BBS4: variants seen among roughly 807,000 people sequenced by gnomAD.
BBS4 encodes the protein BBSome complex member BBS4.
In BBS4, 58 loss-of-function variants were observed where a neutral mutation model predicts 71.4. The ratio of observed to expected loss-of-function variants is 0.81; its 90% CI spans 0.66 to 1.01. The LOEUF is 1.01. BBS4 is among the 50% of genes least tolerant of loss of function. BBS4 has a pLI of 0.00. For missense variants in BBS4, 660 were observed against 607.9 expected (o/e 1.09, Z -0.90); for synonymous variants, 228 against 216.8 (o/e 1.05, Z -0.46).
chr15:72,712,348 C>T (rs1487397599), intron 4 of BBS4, 41 bp downstream of exon 4: 1 of 1,573,560 alleles, frequency 6.4e-7, no homozygotes, highest in East Asian at 2.2e-5. Context: ...GAGAAATACA[C>T]TTTTCCTAGG....
chr15:72,725,059 G>T (rs1298946), intron 8 of BBS4, among the ~76,000 whole-genome samples: 2,514 of 98,658 alleles, frequency 0.025, 52 homozygotes, highest in African/African-American at 0.084. Context: ...TATATATATA[G>T]AGAGAGAGAG....
In BBS4 at chr15:72,735,919, A is replaced by G. The variant is rs374169521; in HGVS notation, c.1201A>G (p.Lys401Glu). The G allele has an allele frequency of 5.6e-6, 9 of 1,614,136 alleles. No individual in the cohort carries two copies. Among genetic ancestry groups the G allele is most frequent in the Non-Finnish European group, 7.6e-6 (9 of 1,180,006 alleles). ...ALAQYQEMEK[K>E]VSLLKDNSSL... ...GGCCCAATATCAGGAGATGGAGAAG[A>G]AAGTCAGCCTACTCAAGGACAATAG... is the stretch of plus-strand genomic sequence containing the variant. The change falls in exon 14 of 16, where the codon AAA (lysine) becomes GAA (glutamate). Residue 401 changes from lysine to glutamate, a missense_variant. By Grantham distance (56) the Lys-to-Glu change is moderately conservative (BLOSUM62 1). Transcript: ENST00000268057.
At chr15:72,735,022 G>A in intron 12 of BBS4, 91 bp from the exon 13 acceptor site, 2 of 903,186 alleles carry the variant, frequency 2.2e-6, no homozygotes, top group Non-Finnish European at 3.7e-6. Flanking sequence ...GCCATGAGCT[G>A]ACAGGGTGAA....
Position 72,715,336 on chromosome 15 carries a change from T to G in BBS4, c.266T>G (p.Leu89Arg). Reference sequence around the variant, plus strand: ...GGAAATATCCAAGAATCCCTAGAACTCTTCCAGACATGTGCAGTTCTTAGT... The same window carrying G: ...GGAAATATCCAAGAATCCCTAGAACGCTTCCAGACATGTGCAGTTCTTAGT... Reference protein sequence around the residue: ...LEGNIQESLELFQTCAVLSPQ... With the variant: ...LEGNIQESLERFQTCAVLSPQ... Residue 89 changes from leucine (L) to arginine (R), a missense_variant, in exon 5 of 16, where the codon CTC becomes CGC. Coordinates refer to ENST00000268057, the MANE Select transcript of BBS4 (RefSeq NM_033028.5). 6.2e-7 allele frequency: 1 copy of G among 1,614,102 alleles called. No individual in the cohort carries two copies. Among genetic ancestry groups the G allele is most frequent in the Non-Finnish European group, 8.5e-7 (1 of 1,179,946 alleles).
intron 6 of BBS4, 89 bp downstream of exon 6, chr15:72,716,939 A>G: frequency 2.1e-6 from 2 of 937,490 alleles, no homozygotes. Context: ...GAATTCTTAC[A>G]TTCCAAAAAT....
chr15:72,715,518 G>C, intron 5 of BBS4, 116 bp downstream of exon 5: 1 of 763,674 alleles, frequency 1.3e-6, no homozygotes, highest in Non-Finnish European at 2.4e-6. Context: ...GTGGGGGAAT[G>C]GTTTAATAGG....
At chr15:72,722,317 G>C (rs779676541) in intron 6 of BBS4, among the ~76,000 whole-genome samples, 1 of 152,202 alleles carries the variant, frequency 6.6e-6, no homozygotes, top group Non-Finnish European at 1.5e-5. Context: ...TTTAGTACTT[G>C]TAACTAACTA....
chr15:72,690,113 A>T (rs960220239), intron 1 of BBS4, among the ~76,000 whole-genome samples: 3 of 151,896 alleles, frequency 2.0e-5, no homozygotes, highest in African/African-American at 4.8e-5. Flanking sequence ...CAGCCTATAA[A>T]TTTTTTTTAT....
intron 2 of BBS4, among the ~76,000 whole-genome samples, chr15:72,698,978 TAC>T (rs1211265513): frequency 5.9e-5 from 9 of 152,348 alleles, no homozygotes; most frequent in Admixed American, 1.3e-4. Context: ...GATAAGTAGT[TAC>T]CAAATCTCAC....
chr15:72,689,728 A>AAAAC (rs2064947508), intron 1 of BBS4, among the ~76,000 whole-genome samples: 1 of 151,604 alleles, frequency 6.6e-6, no homozygotes, highest in Non-Finnish European at 1.5e-5. Flanking sequence ...GAAAAAAACA[A>AAAAC]AAAATGAATG....
intron 6 of BBS4, among the ~76,000 whole-genome samples, chr15:72,717,958 C>T (rs1387780150): frequency 6.6e-6 from 1 of 152,152 alleles, no homozygotes; most frequent in African/African-American, 2.4e-5. Flanking sequence ...AAGTGATTCT[C>T]CTGTCTCAGC....
chr15:72,727,823 G>A (rs2065731259), intron 8 of BBS4, 117 bp from the exon 9 acceptor site: 4 of 799,008 alleles, frequency 5.0e-6, no homozygotes, highest in South Asian at 2.8e-5. Context: ...GTATTTCCAC[G>A]GGGAGGAAGA....
intron 6 of BBS4, among the ~76,000 whole-genome samples, chr15:72,720,149 G>T (rs889732817): frequency 2.3e-4 from 35 of 150,066 alleles, no homozygotes; most frequent in African/African-American, 7.6e-4. Context: ...TTTATTAATA[G>T]CCCTTACCTA....
chr15:72,720,749 A>G (rs757090865), intron 6 of BBS4, among the ~76,000 whole-genome samples: 1 of 152,128 alleles, frequency 6.6e-6, no homozygotes, highest in Admixed American at 6.6e-5. Flanking sequence ...ATGATCTAAG[A>G]TTCCTCGTCT....
At chr15:72,706,776 A>T (rs1050692140) in intron 2 of BBS4, among the ~76,000 whole-genome samples, 2 of 152,184 alleles carry the variant, frequency 1.3e-5, no homozygotes, top group Non-Finnish European at 2.9e-5. Context: ...ATTTCTTCTT[A>T]CAAATTCCAT....
At chr15:72,704,780 T>C (rs573266552) in intron 2 of BBS4, among the ~76,000 whole-genome samples, 2 of 152,226 alleles carry the variant, frequency 1.3e-5, no homozygotes, top group East Asian at 3.9e-4. Flanking sequence ...CTCAGTAGGC[T>C]GAGTCATAAG....
chr15:72,687,046 C>A (rs2064861068), intron 1 of BBS4, among the ~76,000 whole-genome samples: 1 of 151,110 alleles, frequency 6.6e-6, no homozygotes, highest in African/African-American at 2.4e-5. Flanking sequence ...TGTTAGAGGG[C>A]CTTTTGTTTG....
chr15:72,699,884 T>C (rs1026789462), intron 2 of BBS4, among the ~76,000 whole-genome samples: 1 of 152,216 alleles, frequency 6.6e-6, no homozygotes, highest in Non-Finnish European at 1.5e-5. Context: ...TTGTCCATTC[T>C]CCTGTTAATG....
chr15:72,736,750 T>C lies in BBS4; in HGVS notation c.1249-12T>C, dbSNP rs759275107. On this transcript the variant is annotated splice_polypyrimidine_tract_variant and intron_variant, in intron 14 of 15. Coordinates refer to ENST00000268057, the MANE Select transcript of BBS4 (RefSeq NM_033028.5). Reference sequence around the variant, plus strand: ...ACGCTTTTGATTCTTTTACTTCCTTTGTGGACACAAGATGGTGGAGATGGC... The same window carrying C: ...ACGCTTTTGATTCTTTTACTTCCTTCGTGGACACAAGATGGTGGAGATGGC... The C allele has an allele frequency of 2.4e-5, 38 of 1,613,990 alleles. 3 individuals carry two copies. The Middle Eastern group carries it at 5.3e-3, about 224-fold the overall frequency.
Sources: allele counts gnomAD v4.1 joint callset (sites outside exome capture counted in the v4.1 genomes callset), GRCh38; gene constraint gnomAD v4.1.1; transcripts MANE v1.5; gene names NCBI Gene and HGNC (gene_info 2026-07-23, HGNC 2026-07-21).